Variants in FLT1 observed in about 807,000 individuals in gnomAD.
FLT1 encodes fms related receptor tyrosine kinase 1.
In FLT1, 49 loss-of-function variants were observed where a neutral mutation model predicts 156.3. That is an observed-to-expected ratio of 0.31 (90% CI 0.25 to 0.40). FLT1 has a LOEUF of 0.40. FLT1 is among the 10% of genes least tolerant of loss of function. FLT1 has a pLI of 1.00. For synonymous variants in FLT1, 594 were observed against 583.8 expected (o/e 1.02, Z -0.25); for missense variants, 1,322 against 1,637.2 (o/e 0.81, Z 3.32).
At chr13:28,460,238 T>G (rs1271276082) in intron 3 of FLT1, among the ~76,000 whole-genome samples, 1 of 152,220 alleles carries the variant, frequency 6.6e-6, no homozygotes, top group African/African-American at 2.4e-5. Context: ...GGCTCCCCAT[T>G]AGGGGCTATT....
At chr13:28,313,730 A>G (rs1207448974) in intron 25 of FLT1, among the ~76,000 whole-genome samples, 5 of 152,148 alleles carry the variant, frequency 3.3e-5, no homozygotes, top group Non-Finnish European at 7.3e-5. Flanking sequence ...GTTGCTGGGG[A>G]AAAAACCTGA....
In FLT1 at chr13:28,439,022, T is replaced by C. The variant is rs1226994036; in HGVS notation, c.389-677A>G. Reference sequence around the variant, plus strand: ...CTACTTACCTGCTAATAGCAAAGTCTGTGCAAGTGCCTGCAGAGAAGTCTG... The same window carrying C: ...CTACTTACCTGCTAATAGCAAAGTCCGTGCAAGTGCCTGCAGAGAAGTCTG... On this transcript the variant is annotated intron_variant, in intron 3 of 29. Coordinates refer to ENST00000282397, the MANE Select transcript of FLT1 (RefSeq NM_002019.4). The surrounding 1 kb of genome is among the most constrained non-coding windows in gnomAD (Gnocchi z 4.1). Among the ~76,000 whole-genome samples the C allele has an allele frequency of 6.6e-6, 1 of 152,242 alleles. No homozygotes were observed. The highest frequency in any genetic ancestry group is 1.5e-5 in the Non-Finnish European group (1 of 68,044).
chr13:28,309,373 C>T (rs3794395), intron 27 of FLT1, among the ~76,000 whole-genome samples: 67,250 of 140,412 alleles, frequency 0.48, 17,496 homozygotes, highest in Admixed American at 0.64. Context: ...CGAGTGCTAG[C>T]GCCAGGCTTG....
chr13:28,368,703 CTTT>C (rs34319914), intron 14 of FLT1: 5,105 of 555,636 alleles, frequency 9.2e-3, no homozygotes, highest in South Asian at 0.012. Context: ...AGATTGGCAG[CTTT>C]TTTTTTTTTT....
At chr13:28,490,508 T>G (rs1881411992) in intron 1 of FLT1, among the ~76,000 whole-genome samples, 1 of 152,182 alleles carries the variant, frequency 6.6e-6, no homozygotes, top group Admixed American at 6.5e-5. Context: ...TCCAATTTCC[T>G]TCCCCTCCCT....
rs1219483532 is a variant in FLT1, at chr13:28,302,422, C to T, written c.*745G>A. On this transcript the variant is annotated 3_prime_UTR_variant, in exon 30 of 30. Transcript: ENST00000282397. ...GCCACGAATGAGAATGGACATAGAA[C>T]CACTTCCATAGGTAAAGTTCTAAAA... is the stretch of plus-strand genomic sequence containing the variant. 2 of 233,162 alleles carry T rather than the reference C, an allele frequency of 8.6e-6. No individual in the cohort carries two copies. The highest frequency in any genetic ancestry group is 1.8e-4 in the South Asian group (1 of 5,534). The allele number at this position is 233,162 out of a possible 1,614,324, so 14.4% of individuals were successfully genotyped here.
At chr13:28,342,129 C>T (rs546355861) in intron 16 of FLT1, among the ~76,000 whole-genome samples, 3 of 152,228 alleles carry the variant, frequency 2.0e-5, no homozygotes, top group Non-Finnish European at 2.9e-5. Flanking sequence ...ATGATCTGCC[C>T]GCCTCGGCCT....
At position 28,433,903 on chromosome 13, in the gene FLT1, A is replaced by C. The variant is rs1351985753; in HGVS notation, c.729T>G (p.Leu243=). The part of the protein sequence containing the change: ...QISTPRPVKL[L]RGHTLVLNCT... ...AATTGAGGACAAGAGTATGGCCTCTAAGTAATTTGACTGGGCGTGGTGTGC... is the reference window on the plus strand; with the variant it reads ...AATTGAGGACAAGAGTATGGCCTCTCAGTAATTTGACTGGGCGTGGTGTGC... The change falls in exon 6 of 30, where the codon CTT becomes CTG. Residue 243 remains leucine, a synonymous_variant. Coordinates refer to ENST00000282397, the MANE Select transcript of FLT1 (RefSeq NM_002019.4). The C allele has an allele frequency of 1.2e-6, 2 of 1,613,880 alleles. No individual in the cohort carries two copies. The highest frequency in any genetic ancestry group is 2.7e-5 in the African/African-American group (2 of 74,932).
At chr13:28,490,208 C>T (rs978978753) in intron 1 of FLT1, among the ~76,000 whole-genome samples, 4 of 152,172 alleles carry the variant, frequency 2.6e-5, no homozygotes, top group African/African-American at 9.7e-5. Context: ...CTAGCTCTTA[C>T]AACGTGTGTG....
intron 3 of FLT1, among the ~76,000 whole-genome samples, chr13:28,459,918 A>G (rs536452575): frequency 1.1e-3 from 167 of 152,354 alleles, no homozygotes; most frequent in Middle Eastern, 3.4e-3. Context: ...AAGGGCCCAC[A>G]TTCCTGGTGC....
intron 24 of FLT1, among the ~76,000 whole-genome samples, chr13:28,318,160 A>G (rs1195382092): frequency 6.6e-6 from 1 of 152,074 alleles, no homozygotes; most frequent in African/African-American, 2.4e-5. Context: ...TAGACTTGGG[A>G]TAGGCTACAT....
intron 15 of FLT1, among the ~76,000 whole-genome samples, chr13:28,349,353 T>C (rs546013241): frequency 2.0e-5 from 3 of 152,022 alleles, no homozygotes; most frequent in South Asian, 2.1e-4. Flanking sequence ...AATGGGAAGA[T>C]TGTAAGCTCA....
intron 3 of FLT1, among the ~76,000 whole-genome samples, chr13:28,448,232 G>T: frequency 6.6e-6 from 1 of 152,228 alleles, no homozygotes; most frequent in South Asian, 2.1e-4. Flanking sequence ...AGAGTTACCA[G>T]ATGACCCAGC....
chr13:28,457,260 A>C (rs1593814284), intron 3 of FLT1, among the ~76,000 whole-genome samples: 2 of 152,182 alleles, frequency 1.3e-5, no homozygotes, highest in East Asian at 3.8e-4. Context: ...TGTAAGGATA[A>C]AATCTGTTAA....
At chr13:28,479,944 A>G (rs1314575337) in intron 1 of FLT1, among the ~76,000 whole-genome samples, 1 of 152,252 alleles carries the variant, frequency 6.6e-6, no homozygotes, top group African/African-American at 2.4e-5. Context: ...CTCATTCTGT[A>G]GGACAAAACC....
chr13:28,347,642 G>C (rs1419331769), intron 15 of FLT1, among the ~76,000 whole-genome samples: 1 of 152,178 alleles, frequency 6.6e-6, no homozygotes, highest in East Asian at 1.9e-4. Flanking sequence ...TGATCTAAAG[G>C]CTGCAGGCAG....
intron 14 of FLT1, among the ~76,000 whole-genome samples, chr13:28,358,577 T>G (rs565256777): frequency 5.6e-4 from 85 of 152,320 alleles, no homozygotes; most frequent in Admixed American, 1.1e-3. Context: ...TACCTTGTAC[T>G]ATCACCAAGG....
intron 28 of FLT1, among the ~76,000 whole-genome samples, 189 bp from the exon 29 acceptor site, chr13:28,306,961 G>GA (rs1870777400): frequency 6.6e-6 from 1 of 152,174 alleles, no homozygotes. Context: ...AATCATGTCT[G>GA]ATCCCCAGTG....
chr13:28,319,544 G>T lies in FLT1; in HGVS notation c.3175-10C>A. The stretch of plus-strand genomic sequence containing the variant: ...TCAGAGGAAGTCGAGTCTAGAAGAG[G>T]GCAAGGGGGCCTTGAGCAGAAGGGC... On this transcript the variant is annotated splice_polypyrimidine_tract_variant and intron_variant, in intron 23 of 29. Transcript: ENST00000282397. 6.4e-7 allele frequency: 1 copy of T among 1,550,940 alleles called. No individual in the cohort carries two copies. The highest frequency in any genetic ancestry group is 1.4e-5 in the African/African-American group (1 of 73,728).
Sources: allele counts gnomAD v4.1 joint callset (sites outside exome capture counted in the v4.1 genomes callset), GRCh38; gene constraint gnomAD v4.1.1; non-coding constraint Gnocchi (gnomAD v3.1); transcripts MANE v1.5; gene names NCBI Gene and HGNC (gene_info 2026-07-23, HGNC 2026-07-21).